NANS: variants seen among roughly 807,000 people sequenced by gnomAD.
The protein encoded by NANS is N-acetylneuraminate synthase.
A neutral mutation model predicts 33.3 loss-of-function variants in NANS; 29 were observed. The observed-to-expected ratio is 0.87, with a 90% CI of 0.65 to 1.19. The LOEUF is 1.19. NANS is among the 50% of genes most tolerant of loss of function. The probability of loss-of-function intolerance (pLI) is 0.00; values close to 1 mark genes in which losing one functional copy is unlikely to be tolerated. For synonymous variants in NANS, 163 were observed against 177.2 expected (o/e 0.92, Z 0.64); for missense variants, 394 against 461.1 (o/e 0.85, Z 1.33).
intron 4 of NANS, 130 bp from the exon 5 acceptor site, chr9:98,080,686 C>T (rs775389397): frequency 4.0e-6 from 4 of 989,328 alleles, no homozygotes; most frequent in Non-Finnish European, 5.8e-6. Context: ...CTCAGAGAGC[C>T]TCAGTATCTT....
At chr9:98,059,579 TA>T (rs1459573168) in intron 1 of NANS, among the ~76,000 whole-genome samples, 1 of 152,120 alleles carries the variant, frequency 6.6e-6, no homozygotes, top group Non-Finnish European at 1.5e-5. Context: ...CATGCCTGGC[TA>T]ATTTTTATAT....
chr9:98,072,472 C>T (rs867758059), intron 2 of NANS, among the ~76,000 whole-genome samples: 3 of 150,472 alleles, frequency 2.0e-5, no homozygotes, highest in African/African-American at 2.5e-5. Context: ...AGTGCAGTTG[C>T]GCAATCTCTG....
intron 5 of NANS, chr9:98,081,820 GCCT>G (rs1179382634): frequency 2.0e-5 from 3 of 152,290 alleles, no homozygotes; most frequent in African/African-American, 7.2e-5. Context: ...TTCTAGTGGG[GCCT>G]ACCTGCTTCC....
intron 2 of NANS, among the ~76,000 whole-genome samples, chr9:98,073,004 C>A (rs977723662): frequency 4.6e-5 from 7 of 152,156 alleles, no homozygotes; most frequent in Admixed American, 2.6e-4. Context: ...GGCTGTGGAA[C>A]TCAGGTGAAA....
In NANS at chr9:98,056,876, C is replaced by A. The variant is rs757772678; in HGVS notation, c.68C>A (p.Ala23Asp). 2.6e-5 allele frequency: 42 copies of A among 1,611,906 alleles called. No homozygotes were observed. Among genetic ancestry groups the A allele is most frequent in the Non-Finnish European group, 3.3e-5 (39 of 1,179,282 alleles). ...VGGQHPCFII[A>D]EIGQNHQGDL... Reference sequence around the variant, plus strand: ...GGGCAACACCCGTGCTTCATCATTGCCGAGATCGGCCAGAACCACCAGGGC... The same window carrying A: ...GGGCAACACCCGTGCTTCATCATTGACGAGATCGGCCAGAACCACCAGGGC... The change falls in exon 1 of 6, where the codon GCC becomes GAC. Residue 23 changes from alanine to aspartate, a missense_variant. Transcript: ENST00000210444.
rs1472128173 is a variant in NANS, at chr9:98,079,994, G to A, written c.604-822G>A. ...TTTGGGAGGCTGAGGCAGGTGGACC[G>A]CTTGAGGCCAGGAGCTTGAGACCAG... On this transcript the variant is annotated intron_variant, in intron 4 of 5. Transcript: ENST00000210444. Among the ~76,000 whole-genome samples the A allele has an allele frequency of 2.6e-5, 4 of 152,196 alleles. No homozygotes were observed. In the East Asian group the frequency reaches 7.7e-4, roughly 29 times the overall value.
rs1437172673 is a variant in NANS, at chr9:98,056,911, G to A, written c.103G>A (p.Val35Ile). The A allele has an allele frequency of 1.2e-6, 2 of 1,609,260 alleles. No individual in the cohort carries two copies. Among genetic ancestry groups the A allele is most frequent in the East Asian group, 2.2e-5 (1 of 44,466 alleles). ...IGQNHQGDLDVAKRMIRMAKE... is the reference protein window; with the variant it reads ...IGQNHQGDLDIAKRMIRMAKE... ...CCAGAACCACCAGGGCGACCTGGAC[G>A]TAGCCAAGCGCATGATCCGCATGGC... is the stretch of plus-strand genomic sequence containing the variant. The change falls in exon 1 of 6, where the codon GTA becomes ATA. Residue 35 changes from valine to isoleucine, a missense_variant. Val to Ile is a conservative substitution (Grantham distance 29). Transcript: ENST00000210444.
chr9:98,059,778 C>G lies in NANS; in HGVS notation c.133-1004C>G, dbSNP rs538776469. 2.0e-5 allele frequency among the ~76,000 whole-genome samples: 3 copies of G among 151,568 alleles called. No homozygotes were observed. The East Asian group carries it at 5.8e-4, about 29-fold the overall frequency. On this transcript the variant is annotated intron_variant, in intron 1 of 5. Coordinates refer to ENST00000210444, the MANE Select transcript of NANS (RefSeq NM_018946.4). Reference sequence around the variant, plus strand: ...CAATCCGGCTTTTATATTATTGCCTCTGCTCAGTAGAAGTCATCTAGGGGC... The same window carrying G: ...CAATCCGGCTTTTATATTATTGCCTGTGCTCAGTAGAAGTCATCTAGGGGC...
intron 1 of NANS, among the ~76,000 whole-genome samples, chr9:98,059,559 C>T (rs1162660354): frequency 6.6e-5 from 10 of 152,084 alleles, no homozygotes; most frequent in African/African-American, 2.2e-4. Flanking sequence ...GGACTACAAG[C>T]GTATGCCACC....
chr9:98,067,233 T>C (rs1564158482), intron 2 of NANS, among the ~76,000 whole-genome samples: 1 of 152,256 alleles, frequency 6.6e-6, no homozygotes, highest in African/African-American at 2.4e-5. Context: ...GTACAGGTTT[T>C]ATATGGACAT....
intron 1 of NANS, among the ~76,000 whole-genome samples, chr9:98,059,651 G>A (rs965127198): frequency 6.6e-5 from 10 of 152,064 alleles, no homozygotes; most frequent in Non-Finnish European, 1.0e-4. Context: ...CTTGGTTCAA[G>A]CAATCCTCCC....
At chr9:98,073,871 C>T (rs1829464073) in intron 2 of NANS, among the ~76,000 whole-genome samples, 1 of 152,148 alleles carries the variant, frequency 6.6e-6, no homozygotes, top group African/African-American at 2.4e-5. Flanking sequence ...AGTGCAGCCT[C>T]AACCTCCTGG....
At chr9:98,079,723 C>G (rs6478556) in intron 4 of NANS, among the ~76,000 whole-genome samples, 1 of 152,054 alleles carries the variant, frequency 6.6e-6, no homozygotes, top group Non-Finnish European at 1.5e-5. Context: ...GTATCTCCGT[C>G]CCCACTCAAG....
intron 2 of NANS, among the ~76,000 whole-genome samples, chr9:98,074,302 T>G (rs1161515185): frequency 6.6e-6 from 1 of 152,096 alleles, no homozygotes; most frequent in Non-Finnish European, 1.5e-5. Context: ...CCACAGACTT[T>G]GTGCTATGGG....
In NANS at chr9:98,061,481, T is replaced by TAAAAA. The variant is rs1284256979; in HGVS notation, c.348+498_348+502dup. Among the ~76,000 whole-genome samples the TAAAAA allele has an allele frequency of 7.9e-3, 587 of 74,644 alleles. 6 individuals carry two copies. Among genetic ancestry groups the TAAAAA allele is most frequent in the African/African-American group, 0.029 (554 of 19,178 alleles). The allele number at this position is 74,644 out of a possible 152,430, so 49.0% of individuals were successfully genotyped here. A position where few individuals can be genotyped will look rare whatever the true frequency, so the allele number is the denominator to read the frequency against. On this transcript the variant is annotated intron_variant, in intron 2 of 5. Transcript: ENST00000210444. Reference sequence around the variant, plus strand: ...AACAGAACAAGAGTCCATCTCAAATTAAAAAAAAAAAAAAAAAAGGCCAGG... The same window carrying TAAAAA: ...AACAGAACAAGAGTCCATCTCAAATTAAAAAAAAAAAAAAAAAAAAAAAGGCCAGG...
chr9:98,058,460 T>C (rs1828889137), intron 1 of NANS, among the ~76,000 whole-genome samples: 1 of 152,132 alleles, frequency 6.6e-6, no homozygotes, highest in South Asian at 2.1e-4. Context: ...GTATAATAAA[T>C]ACAGTAAGGG....
intron 4 of NANS, among the ~76,000 whole-genome samples, chr9:98,078,992 C>A (rs1428818905): frequency 6.6e-6 from 1 of 152,110 alleles, no homozygotes; most frequent in African/African-American, 2.4e-5. Flanking sequence ...AACTTCCTGG[C>A]TTTTTCTGCT....
At chr9:98,082,304 T>C (rs969533411) in intron 5 of NANS, 7 of 152,636 alleles carry the variant, frequency 4.6e-5, no homozygotes, top group African/African-American at 1.4e-4. Flanking sequence ...TGGAGAACGG[T>C]GTGTCAGGAG....
Position 98,059,812 on chromosome 9 carries a change from T to G in NANS, c.133-970T>G, listed in dbSNP as rs541694691. ...AGAAGTCATCTAGGGGCTGGGGCAT[T>G]TTTGTTTTGTTTGTCTGCTTTTTAA... On this transcript the variant is annotated intron_variant, in intron 1 of 5. Coordinates refer to ENST00000210444, the MANE Select transcript of NANS (RefSeq NM_018946.4). 1.2e-3 allele frequency among the ~76,000 whole-genome samples: 177 copies of G among 152,310 alleles called. 1 individual carries two copies. Among genetic ancestry groups the G allele is most frequent in the African/African-American group, 4.1e-3 (170 of 41,564 alleles).
Sources: allele counts gnomAD v4.1 joint callset (sites outside exome capture counted in the v4.1 genomes callset), GRCh38; gene constraint gnomAD v4.1.1; transcripts MANE v1.5; gene names NCBI Gene and HGNC (gene_info 2026-07-23, HGNC 2026-07-21).